Variants in CYB5R4 observed in about 807,000 individuals in gnomAD.
CYB5R4 encodes N-terminal cytochrome b5 and cytochrome b5 oxidoreductase domain-containing protein.
A neutral mutation model predicts 70.2 loss-of-function variants in CYB5R4; 55 were observed. The ratio of observed to expected loss-of-function variants is 0.78; its 90% CI spans 0.63 to 0.98. The LOEUF (loss-of-function observed/expected upper bound fraction) is 0.98. CYB5R4 is among the 50% of genes least tolerant of loss of function. The pLI, the probability that CYB5R4 is intolerant of heterozygous loss-of-function variation, is 0.00. For missense variants in CYB5R4, 562 were observed against 612.6 expected (o/e 0.92, Z 0.87); for synonymous variants, 197 against 199.5 (o/e 0.99, Z 0.11).
chr6:83,893,500 A>T, intron 2 of CYB5R4, 22 bp from the exon 3 acceptor site: 1 of 1,412,548 alleles, frequency 7.1e-7, no homozygotes, highest in Non-Finnish European at 9.9e-7. Context: ...TTAGGATATT[A>T]TTTCTGTTTG....
chr6:83,960,083 C>G lies in CYB5R4; in HGVS notation c.*205C>G, dbSNP rs1437839186. ...AACTTATTTTACTACTGATATTTGA[C>G]CTGGAAAGTTAATCATGGCAACAAA... On this transcript the variant is annotated 3_prime_UTR_variant, in exon 16 of 16. Coordinates refer to ENST00000369681, the MANE Select transcript of CYB5R4 (RefSeq NM_016230.4). 2.5e-6 allele frequency: 1 copy of G among 398,790 alleles called. No homozygotes were observed. Among genetic ancestry groups the G allele is most frequent in the East Asian group, 4.4e-5 (1 of 22,868 alleles). The allele number at this position is 398,790 out of a possible 1,614,324, so 24.7% of individuals were successfully genotyped here. A position where few individuals can be genotyped will look rare whatever the true frequency, so the allele number is the denominator to read the frequency against.
intron 2 of CYB5R4, among the ~76,000 whole-genome samples, chr6:83,871,305 T>C (rs991843530): frequency 1.3e-5 from 2 of 152,080 alleles, no homozygotes; most frequent in African/African-American, 4.8e-5. Context: ...ACCTAACCCA[T>C]AGATTTTTCA....
In CYB5R4 at chr6:83,967,256, A is replaced by G. The variant is rs934121232; in HGVS notation, c.*7378A>G. ...GAAAGACTAGAAAGTCATCAATAAA[A>G]GGATTGGAGAACATTAAACTTGTAG... On this transcript the variant is annotated 3_prime_UTR_variant, in exon 16 of 16. Coordinates refer to ENST00000369681, the MANE Select transcript of CYB5R4 (RefSeq NM_016230.4). 1 of 152,256 alleles carries G rather than the reference A, an allele frequency of 6.6e-6. No homozygotes were observed. Among genetic ancestry groups the G allele is most frequent in the Non-Finnish European group, 1.5e-5 (1 of 68,046 alleles). The allele number at this position is 152,256 out of a possible 1,614,324, so 9.4% of individuals were successfully genotyped here. A position where few individuals can be genotyped will look rare whatever the true frequency, so the allele number is the denominator to read the frequency against.
intron 2 of CYB5R4, among the ~76,000 whole-genome samples, chr6:83,883,102 G>A (rs142716336): frequency 6.6e-6 from 1 of 152,274 alleles, no homozygotes; most frequent in Non-Finnish European, 1.5e-5. Flanking sequence ...TGTTGAATGA[G>A]CTTAATAGCA....
intron 2 of CYB5R4, among the ~76,000 whole-genome samples, chr6:83,878,045 GCT>G (rs1433384330): frequency 6.6e-6 from 1 of 151,714 alleles, no homozygotes; most frequent in African/African-American, 2.4e-5. Flanking sequence ...AATTTTTATT[GCT>G]CTTTCTTTAA....
At chr6:83,870,086 A>AGT (rs1452160232) in intron 2 of CYB5R4, among the ~76,000 whole-genome samples, 1 of 152,208 alleles carries the variant, frequency 6.6e-6, no homozygotes, top group Non-Finnish European at 1.5e-5. Context: ...AGGTGTCTTT[A>AGT]AACAGCAACA....
At chr6:83,926,560 C>T (rs1241499411) in intron 10 of CYB5R4, among the ~76,000 whole-genome samples, 1 of 152,036 alleles carries the variant, frequency 6.6e-6, no homozygotes, top group African/African-American at 2.4e-5. Context: ...AAATACCAGT[C>T]ACAATGAATT....
At chr6:83,867,003 G>C (rs1358021096) in intron 2 of CYB5R4, among the ~76,000 whole-genome samples, 1 of 152,122 alleles carries the variant, frequency 6.6e-6, no homozygotes, top group African/African-American at 2.4e-5. Context: ...GAAATAAGAT[G>C]TGTCTTTTTT....
chr6:83,940,320 A>T (rs1247565221), intron 13 of CYB5R4, 114 bp downstream of exon 13: 2 of 1,152,372 alleles, frequency 1.7e-6, no homozygotes, highest in Non-Finnish European at 2.4e-6. Flanking sequence ...TTCCTCATTC[A>T]TCATTTCTTA....
chr6:83,872,654 A>C (rs1051611934), intron 2 of CYB5R4, among the ~76,000 whole-genome samples: 10 of 152,216 alleles, frequency 6.6e-5, no homozygotes, highest in Non-Finnish European at 1.2e-4. Flanking sequence ...AGATGATCAC[A>C]GAAACTTCAA....
Position 83,924,478 on chromosome 6 carries a change from G to T in CYB5R4, c.700G>T (p.Val234Phe), listed in dbSNP as rs2099466959. Reference protein sequence around the residue: ...EVQEDFSVRVVESVGKIEIVL... With the variant: ...EVQEDFSVRVFESVGKIEIVL... ...ATTTATCTTCTTTTCAGTGCGGGTT[G>T]TTGAGAGTGTGGGAAAAATAGAGAT... The change falls in exon 10 of 16, where the codon GTT becomes TTT. Residue 234 changes from valine to phenylalanine, a missense_variant. Val to Phe is a conservative substitution (Grantham distance 50, BLOSUM62 -1). Transcript: ENST00000369681. The T allele has an allele frequency of 3.7e-6, 6 of 1,613,630 alleles. No homozygotes were observed. Among genetic ancestry groups the T allele is most frequent in the African/African-American group, 2.7e-5 (2 of 75,028 alleles).
chr6:83,902,247 A>C (rs1002575676), intron 3 of CYB5R4, among the ~76,000 whole-genome samples: 5 of 151,912 alleles, frequency 3.3e-5, no homozygotes, highest in African/African-American at 1.2e-4. Flanking sequence ...TGGATATCCA[A>C]TTTTCCCAGC....
At position 83,859,739 on chromosome 6, in the gene CYB5R4, T is replaced by C. The variant is rs1474263711; in HGVS notation, c.-44T>C. 3 of 1,603,026 alleles carry C rather than the reference T, an allele frequency of 1.9e-6. No individual in the cohort carries two copies. The highest frequency in any genetic ancestry group is 2.6e-6 in the Non-Finnish European group (3 of 1,173,218). ...AGCCGGAGCTGGAGGTGCTGTCCCG[T>C]CTGGCGGCGATCCCCGGGCAGGGCC... On this transcript the variant is annotated 5_prime_UTR_variant, in exon 1 of 16. Transcript: ENST00000369681.
chr6:83,886,884 C>T (rs975883472), intron 2 of CYB5R4, among the ~76,000 whole-genome samples: 4 of 152,134 alleles, frequency 2.6e-5, no homozygotes, highest in Non-Finnish European at 5.9e-5. Context: ...TAAATGCTCA[C>T]AGTAACGCTG....
At chr6:83,869,595 A>G (rs1467480989) in intron 2 of CYB5R4, among the ~76,000 whole-genome samples, 1 of 152,192 alleles carries the variant, frequency 6.6e-6, no homozygotes, top group African/African-American at 2.4e-5. Flanking sequence ...TTGGGAGGCC[A>G]AGGCAGGCGG....
Position 83,928,154 on chromosome 6 carries a change from C to A in CYB5R4, c.814+3562C>A, listed in dbSNP as rs985378502. On this transcript the variant is annotated intron_variant, in intron 10 of 15. Coordinates refer to ENST00000369681, the MANE Select transcript of CYB5R4 (RefSeq NM_016230.4). ...CAGGGACACAGACCAATAAGTATTT[C>A]TTTTTAATTCACAATTACGAAAATA... 7.9e-5 allele frequency among the ~76,000 whole-genome samples: 12 copies of A among 152,148 alleles called. No homozygotes were observed. In the East Asian group the frequency reaches 1.4e-3, roughly 17 times the overall value.
rs1173946472 is a variant in CYB5R4, at chr6:83,966,388, AAAAAAT to A, written c.*6522_*6527del. On this transcript the variant is annotated 3_prime_UTR_variant, in exon 16 of 16. Transcript: ENST00000369681. ...AGAAAAGAGTAAAAATAAATCTTTAAAAAAATAAAAATAAAAAGGAGGCCTGTGTGC... is the reference window on the plus strand; with the variant it reads ...AGAAAAGAGTAAAAATAAATCTTTAAAAAAATAAAAAGGAGGCCTGTGTGC... 3.9e-5 allele frequency: 6 copies of A among 152,228 alleles called. No homozygotes were observed. The East Asian group carries it at 7.7e-4, about 20-fold the overall frequency. 9.4% of individuals were successfully genotyped at this position (152,228 alleles called of 1,614,324 possible). A position where few individuals can be genotyped will look rare whatever the true frequency, so the allele number is the denominator to read the frequency against.
chr6:83,911,598 A>G (rs1480012456), intron 4 of CYB5R4, among the ~76,000 whole-genome samples: 1 of 151,966 alleles, frequency 6.6e-6, no homozygotes, highest in Non-Finnish European at 1.5e-5. Context: ...TTCTTCAAGG[A>G]CTCCTGACAA....
At position 83,919,409 on chromosome 6, in the gene CYB5R4, C is replaced by A; in HGVS notation, c.519C>A (p.Phe173Leu). 1 of 1,513,168 alleles carries A rather than the reference C, an allele frequency of 6.6e-7. No homozygotes were observed. The highest frequency in any genetic ancestry group is 9.0e-7 in the Non-Finnish European group (1 of 1,110,266). The allele number at this position is 1,513,168 out of a possible 1,614,324, so 93.7% of individuals were successfully genotyped here. Residue 173 changes from phenylalanine to leucine, a missense_variant, in exon 7 of 16, where the codon TTC becomes TTA. Physicochemically the swap from Phe to Leu is conservative, Grantham distance 22. Coordinates refer to ENST00000369681, the MANE Select transcript of CYB5R4 (RefSeq NM_016230.4). ...TTATATTTTACAGCTATGATTGGTT[C>A]CAAACAGACTCTTTAGTCACCATTG... ...EGPSYPSYDW[F>L]QTDSLVTIAI...
Sources: gnomAD v4.1 joint callset for allele counts (sites outside exome capture counted in the v4.1 genomes callset) on GRCh38, gnomAD v4.1.1 for gene constraint, MANE v1.5 for transcripts, NCBI Gene and HGNC (gene_info 2026-07-23, HGNC 2026-07-21) for gene names.